Variants in HERC2 observed in about 807,000 individuals in gnomAD.
HERC2 encodes HECT and RLD domain containing E3 ubiquitin protein ligase 2, also known as E3 ubiquitin-protein ligase HERC2.
In HERC2, 102 loss-of-function variants were observed where a neutral mutation model predicts 537.7. That is an observed-to-expected ratio of 0.19 (90% CI 0.16 to 0.22). The LOEUF is 0.22. Ranked by LOEUF, HERC2 falls within the 10% of genes least tolerant of loss-of-function variation. The pLI is 1.00. For missense variants in HERC2, 4,236 were observed against 6,198.2 expected (o/e 0.68, Z 10.63); for synonymous variants, 2,224 against 2,466.2 (o/e 0.90, Z 2.91).
chr15:28,166,750 G>A (rs568242771), intron 68 of HERC2, among the ~76,000 whole-genome samples: 45 of 152,122 alleles, frequency 3.0e-4, no homozygotes, highest in Admixed American at 8.5e-4. Flanking sequence ...ACCAGTCCAC[G>A]GGAGTCCCAG....
intron 79 of HERC2, 121 bp from the exon 80 acceptor site, chr15:28,132,951 A>C: frequency 1.2e-6 from 1 of 842,394 alleles, no homozygotes; most frequent in Non-Finnish European, 1.7e-6. Flanking sequence ...AATCAAGAAG[A>C]ATCATTCAGA....
chr15:28,210,067 T>C (rs1898994819), intron 44 of HERC2, among the ~76,000 whole-genome samples: 1 of 148,216 alleles, frequency 6.7e-6, no homozygotes, highest in Non-Finnish European at 1.5e-5. Flanking sequence ...GTTCAAGTGA[T>C]TCTCCTGCCT....
intron 79 of HERC2, 146 bp from the exon 80 acceptor site, chr15:28,132,976 T>G (rs4778141): frequency 0.94 from 580,889 of 617,208 alleles, 279,269 homozygotes; most frequent in Non-Finnish European, 0.99. Flanking sequence ...AACTCAAAAG[T>G]TCACCACTTC....
chr15:28,237,055 T>C lies in HERC2; in HGVS notation c.3911A>G (p.Asp1304Gly), dbSNP rs777399701. 1.2e-6 allele frequency: 2 copies of C among 1,602,342 alleles called. No homozygotes were observed. Among genetic ancestry groups the C allele is most frequent in the South Asian group, 1.1e-5 (1 of 90,786 alleles). The change falls in exon 26 of 93, where the codon GAC becomes GGC. Residue 1304 changes from aspartate (D) to glycine (G), a missense_variant. Physicochemically the swap from Asp to Gly is moderately conservative, Grantham distance 94. Coordinates refer to ENST00000261609, the MANE Select transcript of HERC2 (RefSeq NM_004667.6). ...AAGCAGGCCCAGATTCCTCTCTGTG[T>C]CTATCAGAGGTGAAGAGAGACTCCC... ...DLGSLSSPLI[D>G]TERNLGLLLG...
At chr15:28,220,913 C>A (rs1029304125) in intron 36 of HERC2, among the ~76,000 whole-genome samples, 1 of 136,816 alleles carries the variant, frequency 7.3e-6, no homozygotes, top group Admixed American at 7.7e-5. Flanking sequence ...CTGCCCTGGT[C>A]CTTCCATGGC....
In HERC2 at chr15:28,270,827, C is replaced by T; in HGVS notation, c.1125G>A (p.Arg375=). 6.2e-7 allele frequency: 1 copy of T among 1,613,802 alleles called. No individual in the cohort carries two copies. Reference sequence around the variant, plus strand: ...CGTTGTCTTGTGGAAGGGTGAGGTACCTCAGGAAACTCTCATTGGGGCTCA... The same window carrying T: ...CGTTGTCTTGTGGAAGGGTGAGGTATCTCAGGAAACTCTCATTGGGGCTCA... ...GPLSPNESFL[R]YLTLPQDNEL... The change falls in exon 10 of 93, where the codon AGG becomes AGA. Residue 375 remains arginine, a synonymous_variant. Transcript: ENST00000261609.
intron 52 of HERC2, among the ~76,000 whole-genome samples, chr15:28,195,278 C>CA (rs969729089): frequency 1.3e-5 from 2 of 151,676 alleles, no homozygotes; most frequent in African/African-American, 4.8e-5. Context: ...GACTCTGTCT[C>CA]AAAAAAATAA....
chr15:28,178,877 T>G lies in HERC2; in HGVS notation c.9163+10A>C. ...CGCCCCGCACAGGCCTCCTGGTGCT[T>G]GGCTTGTACCTGAGTGAACAGCCAC... On this transcript the variant is annotated intron_variant, in intron 59 of 92. Coordinates refer to ENST00000261609, the MANE Select transcript of HERC2 (RefSeq NM_004667.6). The G allele has an allele frequency of 5.0e-6, 8 of 1,611,260 alleles. No individual in the cohort carries two copies. The highest frequency in any genetic ancestry group is 6.8e-6 in the Non-Finnish European group (8 of 1,178,996).
chr15:28,286,116 G>A (rs1333628872), intron 4 of HERC2, among the ~76,000 whole-genome samples: 5 of 151,856 alleles, frequency 3.3e-5, no homozygotes, highest in African/African-American at 1.2e-4. Flanking sequence ...AATTAACACG[G>A]ACTCAAAACA....
chr15:28,253,777 T>TGA (rs1232662118), intron 20 of HERC2, among the ~76,000 whole-genome samples: 5 of 143,768 alleles, frequency 3.5e-5, no homozygotes, highest in East Asian at 4.2e-4. Flanking sequence ...GCCTGACCAA[T>TGA]ATTTTGAAAC....
chr15:28,293,117 C>T (rs952044232), intron 3 of HERC2, 95 bp from the exon 4 acceptor site: 5 of 996,012 alleles, frequency 5.0e-6, no homozygotes, highest in Non-Finnish European at 6.0e-6. Context: ...TTACAACACA[C>T]ATCATTAACT....
chr15:28,289,824 G>C (rs1347388773), intron 4 of HERC2, among the ~76,000 whole-genome samples: 6 of 152,288 alleles, frequency 3.9e-5, no homozygotes, highest in Admixed American at 3.3e-4. Context: ...TGTGCAGTGA[G>C]AGGACGACAC....
Position 28,211,473 on chromosome 15 carries a change from C to T in HERC2, c.6926-328G>A, listed in dbSNP as rs1346767933. Among the ~76,000 whole-genome samples, 8 of 152,064 alleles carry T rather than the reference C, an allele frequency of 5.3e-5. 1 individual carries two copies. Among genetic ancestry groups the T allele is most frequent in the South Asian group, 4.2e-4 (2 of 4,814 alleles). The stretch of plus-strand genomic sequence containing the variant: ...TTCCCCAAGTTGCTGAAGTTTCAGC[C>T]GCTTTCACTCTTCTTCTAAGACTCC... On this transcript the variant is annotated intron_variant, in intron 43 of 92. Coordinates refer to ENST00000261609, the MANE Select transcript of HERC2 (RefSeq NM_004667.6).
chr15:28,116,968 C>A (rs772791239), intron 87 of HERC2, 45 bp downstream of exon 87: 6 of 1,613,322 alleles, frequency 3.7e-6, no homozygotes, highest in Non-Finnish European at 5.1e-6. Context: ...GCTCAGGCGA[C>A]CACTGCCGGG....
chr15:28,186,509 C>T, intron 56 of HERC2, 68 bp downstream of exon 56: 17 of 1,291,258 alleles, frequency 1.3e-5, no homozygotes, highest in Non-Finnish European at 1.8e-5. Context: ...TTAAATGTTT[C>T]CTTTCGAAAG....
At chr15:28,250,855 C>A (rs543218903) in intron 20 of HERC2, among the ~76,000 whole-genome samples, 1 of 152,124 alleles carries the variant, frequency 6.6e-6, no homozygotes, top group Non-Finnish European at 1.5e-5. Flanking sequence ...GCCTGGATAT[C>A]GGCTACTGGA....
chr15:28,241,852 C>T (rs1315182782), intron 23 of HERC2, among the ~76,000 whole-genome samples: 1 of 151,816 alleles, frequency 6.6e-6, no homozygotes, highest in Non-Finnish European at 1.5e-5. Flanking sequence ...AAAGAAGGGA[C>T]GCAAATGGAT....
At chr15:28,305,947 T>G (rs1243537381) in intron 2 of HERC2, among the ~76,000 whole-genome samples, 1 of 152,178 alleles carries the variant, frequency 6.6e-6, no homozygotes, top group Non-Finnish European at 1.5e-5. Context: ...TCACTGGCCA[T>G]CAGAGAAATG....
rs1211086217 is a variant in HERC2, at chr15:28,268,685, G to A, written c.1447-69C>T. Reference sequence around the variant, plus strand: ...GAAAATGAAACCAGCTCAGCTCTCCGTTATCATGTATCCCCAAGCAAAGCC... The same window carrying A: ...GAAAATGAAACCAGCTCAGCTCTCCATTATCATGTATCCCCAAGCAAAGCC... On this transcript the variant is annotated intron_variant, in intron 11 of 92. Coordinates refer to ENST00000261609, the MANE Select transcript of HERC2 (RefSeq NM_004667.6). The surrounding 1 kb of genome is among the most constrained non-coding windows in gnomAD (Gnocchi z 4.7). The A allele has an allele frequency of 2.5e-5, 33 of 1,324,068 alleles. No individual in the cohort carries two copies. The highest frequency in any genetic ancestry group is 7.3e-5 in the African/African-American group (5 of 68,720). The allele number at this position is 1,324,068 out of a possible 1,614,324, so 82.0% of individuals were successfully genotyped here.
Sources: gnomAD v4.1 joint callset for allele counts (sites outside exome capture counted in the v4.1 genomes callset) on GRCh38, gnomAD v4.1.1 for gene constraint, Gnocchi (gnomAD v3.1) non-coding constraint, MANE v1.5 for transcripts, NCBI Gene and HGNC (gene_info 2026-07-23, HGNC 2026-07-21) for gene names.